The following LINGO2 variants were observed in gnomAD, a reference collection of about 807,000 sequenced individuals.
LINGO2 encodes the protein leucine rich repeat and Ig domain containing 2.
In LINGO2, 14 loss-of-function variants were observed where a neutral mutation model predicts 30.6. The ratio of observed to expected loss-of-function variants is 0.46; its 90% confidence interval spans 0.30 to 0.72. LINGO2 has a LOEUF of 0.72. LINGO2 is among the 30% of genes least tolerant of loss of function. The probability of loss-of-function intolerance (pLI) is 0.07; values close to 1 mark genes in which losing one functional copy is unlikely to be tolerated. For synonymous variants in LINGO2, 317 were observed against 288.5 expected (o/e 1.10, Z -1.00); for missense variants, 729 against 751.7 (o/e 0.97, Z 0.35).
chr9:28,938,320 T>C, the LINGO2 span, among the ~76,000 whole-genome samples: 10 of 152,200 alleles, frequency 6.6e-5, no homozygotes, highest in African/African-American at 2.4e-4. Flanking sequence ...TGCTTTCTCA[T>C]TTTTTAATAA....
chr9:27,971,514 C>T (rs1049834576), intron 5 of LINGO2, among the ~76,000 whole-genome samples: 1 of 152,180 alleles, frequency 6.6e-6, no homozygotes, highest in Admixed American at 6.6e-5. Context: ...ACCCAAGTAG[C>T]TGGGATTACA....
chr9:28,105,586 C>A (rs558116077), intron 4 of LINGO2, among the ~76,000 whole-genome samples: 2 of 152,098 alleles, frequency 1.3e-5, no homozygotes, highest in African/African-American at 4.8e-5. Flanking sequence ...CAAATTCATA[C>A]ATTGAAGCCC....
At chr9:29,034,843 G>A in the LINGO2 span, among the ~76,000 whole-genome samples, 1 of 152,190 alleles carries the variant, frequency 6.6e-6, no homozygotes, top group Admixed American at 6.6e-5. Context: ...TCGATTTACT[G>A]ACAATGCCAT....
At chr9:28,236,668 G>T (rs7857732) in intron 4 of LINGO2, among the ~76,000 whole-genome samples, 26,675 of 152,008 alleles carry the variant, frequency 0.18, 2,423 homozygotes, top group Middle Eastern at 0.21. Context: ...TTGTTTGTGA[G>T]ATCTTAAAAA....
intron 3 of LINGO2, among the ~76,000 whole-genome samples, chr9:28,368,596 T>TTTC (rs202134402): frequency 4.4e-4 from 15 of 34,100 alleles, no homozygotes; most frequent in Admixed American, 1.3e-3. Context: ...TTTCTTTTCT[T>TTTC]TTTTTTTTTT....
chr9:28,543,242 T>G (rs1033666381), intron 1 of LINGO2, among the ~76,000 whole-genome samples: 1 of 152,140 alleles, frequency 6.6e-6, no homozygotes, highest in Non-Finnish European at 1.5e-5. Context: ...AATAAATGTC[T>G]ATTTAAACTT....
At chr9:28,682,085 T>A in the LINGO2 span, among the ~76,000 whole-genome samples, 1 of 152,182 alleles carries the variant, frequency 6.6e-6, no homozygotes, top group African/African-American at 2.4e-5. Context: ...GAGTTGCCAA[T>A]GCTTGGGCAT....
chr9:28,079,088 G>A (rs926267386), intron 4 of LINGO2, among the ~76,000 whole-genome samples: 30 of 148,268 alleles, frequency 2.0e-4, no homozygotes, highest in Non-Finnish European at 4.3e-4. Flanking sequence ...AGATTTAAGT[G>A]AAGATATATT....
chr9:28,846,535 G>T, the LINGO2 span, among the ~76,000 whole-genome samples: 15 of 148,208 alleles, frequency 1.0e-4, 2 homozygotes, highest in African/African-American at 3.6e-4. Flanking sequence ...TCACCTACCA[G>T]ATAACACTGC....
At chr9:28,797,343 TATATATATATATATATAGAG>T in the LINGO2 span, among the ~76,000 whole-genome samples, 5 of 72,098 alleles carry the variant, frequency 6.9e-5, no homozygotes, top group African/African-American at 2.4e-4. Context: ...TATATATATA[TATATATATATATATATAGAG>T]AGAGAGAGAG....
the LINGO2 span, among the ~76,000 whole-genome samples, chr9:28,749,201 G>A: frequency 4.0e-5 from 6 of 151,894 alleles, no homozygotes; most frequent in African/African-American, 1.2e-4. Flanking sequence ...TTTCCCACAC[G>A]CATTAGAATC....
At chr9:28,299,672 G>A (rs897693771) in intron 3 of LINGO2, among the ~76,000 whole-genome samples, 1 of 152,062 alleles carries the variant, frequency 6.6e-6, no homozygotes, top group Non-Finnish European at 1.5e-5. Flanking sequence ...ACTCACCCAA[G>A]GATATAGAGC....
At chr9:28,750,739 A>C in the LINGO2 span, among the ~76,000 whole-genome samples, 1 of 152,078 alleles carries the variant, frequency 6.6e-6, no homozygotes, top group East Asian at 1.9e-4. Flanking sequence ...TTTACCGCAT[A>C]TAACTCTTGT....
At chr9:28,931,905 C>T in the LINGO2 span, among the ~76,000 whole-genome samples, 2 of 150,846 alleles carry the variant, frequency 1.3e-5, no homozygotes, top group African/African-American at 2.4e-5. Context: ...GTCAGGAGTT[C>T]GAGATCAGCC....
intron 4 of LINGO2, among the ~76,000 whole-genome samples, chr9:28,097,144 C>G (rs917650730): frequency 1.3e-5 from 2 of 152,150 alleles, no homozygotes; most frequent in Non-Finnish European, 2.9e-5. Flanking sequence ...GATACCATCT[C>G]ACACCAATTA....
intron 1 of LINGO2, among the ~76,000 whole-genome samples, chr9:28,636,476 C>T (rs1827281038): frequency 6.6e-6 from 1 of 152,194 alleles, no homozygotes; most frequent in Admixed American, 6.5e-5. Flanking sequence ...CACATCGTCT[C>T]CAGCACCTGT....
the LINGO2 span, among the ~76,000 whole-genome samples, chr9:29,152,566 C>A: frequency 6.6e-6 from 1 of 152,116 alleles, no homozygotes; most frequent in Admixed American, 6.5e-5. Context: ...CTTTATACCA[C>A]ACATTTTCAC....
chr9:29,003,684 C>T, the LINGO2 span, among the ~76,000 whole-genome samples: 1 of 152,022 alleles, frequency 6.6e-6, no homozygotes, highest in Admixed American at 6.6e-5. Context: ...TGAGAATCAA[C>T]TCTAGGGTCA....
the LINGO2 span, among the ~76,000 whole-genome samples, chr9:28,810,808 T>TGTTCTCTAGTATTCTTCA: frequency 6.6e-6 from 1 of 152,144 alleles, no homozygotes; most frequent in Non-Finnish European, 1.5e-5. Flanking sequence ...GGTATTCTTC[T>TGTTCTCTAGTATTCTTCA]GTTCTCTAGT....
Sources: allele counts gnomAD v4.1 joint callset (sites outside exome capture counted in the v4.1 genomes callset), GRCh38; gene constraint gnomAD v4.1.1; transcripts MANE v1.5; gene names NCBI Gene and HGNC (gene_info 2026-07-23, HGNC 2026-07-21).